PTPRN2: variants seen among roughly 807,000 people sequenced by gnomAD.
The protein encoded by PTPRN2 is protein tyrosine phosphatase receptor type N2.
In PTPRN2, 74 loss-of-function variants were observed where a neutral mutation model predicts 118.8. The observed-to-expected ratio is 0.62, with a 90% CI of 0.52 to 0.76. The LOEUF (loss-of-function observed/expected upper bound fraction) is 0.76, where lower values mean the gene tolerates loss of function less well. Ranked by LOEUF, PTPRN2 falls within the 30% of genes least tolerant of loss-of-function variation. The pLI, the probability that PTPRN2 is intolerant of heterozygous loss-of-function variation, is 0.00. For missense variants in PTPRN2, 1,481 were observed against 1,394.4 expected (o/e 1.06, Z -0.99); for synonymous variants, 641 against 608.0 (o/e 1.05, Z -0.80).
Position 158,133,796 on chromosome 7 carries a change from C to A in PTPRN2, c.1437G>T (p.Gly479=), listed in dbSNP as rs1430314305. Residue 479 remains glycine, a synonymous_variant, in exon 9 of 23, where the codon GGG becomes GGT. Coordinates refer to ENST00000389418, the MANE Select transcript of PTPRN2 (RefSeq NM_002847.5). ...GAAGGCTCTGCTCCTCCTTCGAGGGCCCAGGCATCTGGTTTTGGAGCTCCC... is the reference window on the plus strand; with the variant it reads ...GAAGGCTCTGCTCCTCCTTCGAGGGACCAGGCATCTGGTTTTGGAGCTCCC... ...AFGELQNQMP[G]PSKEEQSLPA... is the part of the protein sequence containing the mutation. 6.2e-6 allele frequency: 10 copies of A among 1,613,992 alleles called. No individual in the cohort carries two copies. Among genetic ancestry groups the A allele is most frequent in the East Asian group, 2.2e-5 (1 of 44,884 alleles).
intron 11 of PTPRN2, among the ~76,000 whole-genome samples, chr7:157,982,155 G>A (rs567054052): frequency 9.0e-5 from 11 of 121,650 alleles, no homozygotes; most frequent in Admixed American, 1.7e-4. Context: ...TAAACCCCGA[G>A]TCACAGAGAT....
intron 11 of PTPRN2, among the ~76,000 whole-genome samples, chr7:157,940,296 A>G (rs532650222): frequency 2.6e-4 from 39 of 152,264 alleles, no homozygotes; most frequent in African/African-American, 8.9e-4. Flanking sequence ...AAATTTTATA[A>G]GGTCTGTGCT....
At chr7:158,172,943 C>T (rs1460559537) in intron 5 of PTPRN2, among the ~76,000 whole-genome samples, 1 of 148,208 alleles carries the variant, frequency 6.7e-6, no homozygotes, top group Admixed American at 6.7e-5. Context: ...ATCACTTCCA[C>T]CATCAACAGC....
chr7:157,556,782 C>T lies in PTPRN2; in HGVS notation c.2903-7763G>A, dbSNP rs183556869. 5.8e-4 allele frequency among the ~76,000 whole-genome samples: 87 copies of T among 150,380 alleles called. 1 individual carries two copies. The highest frequency in any genetic ancestry group is 4.6e-3 in the Admixed American group (70 of 15,122). On this transcript the variant is annotated intron_variant, in intron 21 of 22. Coordinates refer to ENST00000389418, the MANE Select transcript of PTPRN2 (RefSeq NM_002847.5). ...ATGCACATGCACACACACATGCACA[C>T]GCCCACAACATGCACATCCCACACT...
intron 11 of PTPRN2, among the ~76,000 whole-genome samples, chr7:158,016,106 A>C (rs1195585445): frequency 6.6e-6 from 1 of 152,190 alleles, no homozygotes; most frequent in East Asian, 1.9e-4. Context: ...TCAGACTCGT[A>C]ATCAGCAAAT....
chr7:157,584,911 C>T (rs1484175965), intron 17 of PTPRN2, among the ~76,000 whole-genome samples: 2 of 152,194 alleles, frequency 1.3e-5, no homozygotes, highest in Admixed American at 1.3e-4. Flanking sequence ...TCAGGCTTTG[C>T]GGCTCTGGTT....
chr7:158,131,342 C>G (rs1305904635), intron 9 of PTPRN2, among the ~76,000 whole-genome samples: 1 of 125,996 alleles, frequency 7.9e-6, no homozygotes, highest in Non-Finnish European at 1.7e-5. Context: ...TACACATGCA[C>G]ATTTGCACAA....
chr7:158,566,623 C>T (rs1396136607), intron 1 of PTPRN2, among the ~76,000 whole-genome samples: 1 of 152,230 alleles, frequency 6.6e-6, no homozygotes, highest in Admixed American at 6.5e-5. Context: ...AGGTCTCCAT[C>T]CTGGATCTTG....
At chr7:158,133,647 C>A (rs1222207627) in intron 9 of PTPRN2, 30 bp downstream of exon 9, 5 of 1,534,556 alleles carry the variant, frequency 3.3e-6, no homozygotes, top group Non-Finnish European at 4.4e-6. Context: ...TCCCTCGGCA[C>A]ACAGGAGCTT....
intron 4 of PTPRN2, among the ~76,000 whole-genome samples, chr7:158,202,732 A>G (rs140213592): frequency 4.6e-5 from 7 of 152,312 alleles, no homozygotes; most frequent in African/African-American, 1.7e-4. Flanking sequence ...TAGAAATCCA[A>G]CCTACAGAAT....
chr7:158,436,643 G>A (rs753931327), intron 2 of PTPRN2, among the ~76,000 whole-genome samples: 37 of 152,282 alleles, frequency 2.4e-4, no homozygotes, highest in African/African-American at 8.4e-4. Flanking sequence ...GTCTGGTCAC[G>A]TCTTGATTTC....
chr7:158,043,146 C>T (rs912817873), intron 11 of PTPRN2, among the ~76,000 whole-genome samples: 78 of 152,090 alleles, frequency 5.1e-4, no homozygotes, highest in African/African-American at 1.8e-3. Context: ...AGGAGTTCAA[C>T]ACCAGCCTCA....
intron 11 of PTPRN2, among the ~76,000 whole-genome samples, chr7:158,079,776 C>G (rs1255523052): frequency 6.6e-6 from 1 of 152,188 alleles, no homozygotes; most frequent in African/African-American, 2.4e-5. Context: ...GTTGTTGGGA[C>G]CCCCCATTCC....
intron 21 of PTPRN2, among the ~76,000 whole-genome samples, chr7:157,562,675 C>T (rs190725271): frequency 4.2e-4 from 64 of 151,166 alleles, no homozygotes; most frequent in African/African-American, 1.3e-3. Context: ...CATGTGCTCC[C>T]GCGTCACCAC....
At chr7:158,301,737 C>T (rs559073162) in intron 3 of PTPRN2, among the ~76,000 whole-genome samples, 1 of 152,086 alleles carries the variant, frequency 6.6e-6, no homozygotes, top group Non-Finnish European at 1.5e-5. Flanking sequence ...TTGCTTGAGC[C>T]CAGGAGTTTG....
chr7:157,819,985 ACACC>A (rs1171148890), intron 12 of PTPRN2, among the ~76,000 whole-genome samples: 1 of 151,164 alleles, frequency 6.6e-6, no homozygotes, highest in Non-Finnish European at 1.5e-5. Context: ...CACGCACAAC[ACACC>A]CACACACACA....
intron 6 of PTPRN2, among the ~76,000 whole-genome samples, chr7:158,165,478 C>G (rs764404562): frequency 6.6e-6 from 1 of 152,256 alleles, no homozygotes; most frequent in Non-Finnish European, 1.5e-5. Context: ...GTCACACGTC[C>G]TTCCCTCTAA....
intron 11 of PTPRN2, among the ~76,000 whole-genome samples, chr7:157,995,286 C>T (rs546072227): frequency 3.9e-4 from 58 of 150,028 alleles, no homozygotes; most frequent in African/African-American, 1.2e-3. Flanking sequence ...CTAAAATCAA[C>T]GCCGCATCCC....
At chr7:157,830,556 C>T (rs1046401699) in intron 12 of PTPRN2, among the ~76,000 whole-genome samples, 7 of 151,590 alleles carry the variant, frequency 4.6e-5, no homozygotes, top group East Asian at 3.9e-4. Flanking sequence ...CACATCGCCA[C>T]GCGGGGAGGG....
Sources: gnomAD v4.1 joint callset for allele counts (sites outside exome capture counted in the v4.1 genomes callset) on GRCh38, gnomAD v4.1.1 for gene constraint, MANE v1.5 for transcripts, NCBI Gene and HGNC (gene_info 2026-07-23, HGNC 2026-07-21) for gene names.